The following BCAS4 variants were observed in gnomAD, a reference collection of about 807,000 sequenced individuals.
BCAS4 encodes breast carcinoma-amplified sequence 4.
BCAS4 carries 9 observed loss-of-function variants against 15.7 expected under a neutral mutation model. The ratio of observed to expected loss-of-function variants is 0.57; its 90% confidence interval spans 0.34 to 1.00. BCAS4 has a LOEUF of 1.00. Among genes scored for constraint, BCAS4 ranks in the 50% least tolerant of loss-of-function variants. The pLI, the probability that BCAS4 is intolerant of heterozygous loss-of-function variation, is 0.02. For synonymous variants in BCAS4, 101 were observed against 99.5 expected (o/e 1.02, Z -0.09); for missense variants, 225 against 239.1 (o/e 0.94, Z 0.39).
intron 4 of BCAS4, chr20:50,846,732 G>A (rs1265949059): frequency 1.4e-5 from 2 of 147,140 alleles, no homozygotes; most frequent in Non-Finnish European, 3.0e-5. Context: ...TCCTGCCTCA[G>A]CCTCCTGAGT....
chr20:50,801,640 C>G (rs1288962533), intron 1 of BCAS4, among the ~76,000 whole-genome samples: 1 of 152,182 alleles, frequency 6.6e-6, no homozygotes, highest in East Asian at 1.9e-4. Context: ...CGCACCTGGC[C>G]TCTTCCTTAA....
At chr20:50,809,080 T>C (rs1489575023) in intron 1 of BCAS4, among the ~76,000 whole-genome samples, 1 of 152,230 alleles carries the variant, frequency 6.6e-6, no homozygotes, top group Non-Finnish European at 1.5e-5. Context: ...CAGCATTTGT[T>C]GAATAGGGTG....
intron 3 of BCAS4, chr20:50,832,784 GTC>G (rs1248942154): frequency 1.3e-5 from 2 of 152,292 alleles, no homozygotes; most frequent in African/African-American, 2.4e-5. Flanking sequence ...ACATCTTCCT[GTC>G]TCTCTGTTGC....
intron 2 of BCAS4, among the ~76,000 whole-genome samples, chr20:50,828,023 C>T (rs1433077852): frequency 1.3e-5 from 2 of 151,954 alleles, no homozygotes; most frequent in African/African-American, 4.8e-5. Context: ...CCACTGTGCC[C>T]GGCCTTCAAA....
chr20:50,861,851 T>TC (rs1979094433), intron 4 of BCAS4, among the ~76,000 whole-genome samples: 1 of 138,874 alleles, frequency 7.2e-6, no homozygotes, highest in African/African-American at 2.7e-5. Flanking sequence ...TTCTCCTTTT[T>TC]TTTTTTTTTT....
intron 4 of BCAS4, among the ~76,000 whole-genome samples, chr20:50,855,151 G>C (rs1358692601): frequency 1.3e-5 from 2 of 152,160 alleles, no homozygotes; most frequent in African/African-American, 4.8e-5. Flanking sequence ...TGACCACTGG[G>C]GGAGGGGCCC....
At chr20:50,874,430 C>T (rs1005940119) in intron 4 of BCAS4, among the ~76,000 whole-genome samples, 5 of 152,196 alleles carry the variant, frequency 3.3e-5, no homozygotes, top group African/African-American at 1.2e-4. Context: ...TCCCCCAACC[C>T]TCTAGGATGA....
At chr20:50,879,007 G>A (rs971210820), downstream of BCAS4, 5 of 139,158 alleles carry the variant, frequency 3.6e-5, no homozygotes, top group African/African-American at 8.2e-5. Context: ...TCTTGTTTCT[G>A]TGCTCTGTAT....
At position 50,874,739 on chromosome 20, in the gene BCAS4, G is replaced by C. The variant is rs575082815; in HGVS notation, c.400-1747G>C. 2.5e-3 allele frequency among the ~76,000 whole-genome samples: 382 copies of C among 152,302 alleles called. 2 individuals carry two copies. Among genetic ancestry groups the C allele is most frequent in the African/African-American group, 8.6e-3 (356 of 41,560 alleles). ...TGGGGTCATGGTGTCAAGTGCAGGGGGAGGGGAGGGAAGGGGAGCAGGCAG... is the reference window on the plus strand; with the variant it reads ...TGGGGTCATGGTGTCAAGTGCAGGGCGAGGGGAGGGAAGGGGAGCAGGCAG... On this transcript the variant is annotated intron_variant, in intron 4 of 4. Transcript: ENST00000371608.
rs1409380570 is a variant in BCAS4 at position 50,871,175 on chromosome 20, G to A, written c.400-5311G>A. Among the ~76,000 whole-genome samples the A allele has an allele frequency of 3.3e-5, 5 of 152,330 alleles. No homozygotes were observed. In the East Asian group the frequency reaches 7.7e-4, roughly 23 times the overall value. On this transcript the variant is annotated intron_variant, in intron 4 of 4. Coordinates refer to ENST00000371608, the MANE Select transcript of BCAS4 (RefSeq NM_198799.4). ...CCATCCTCAAGGAGCCCTAGAGGGC[G>A]ATGGGCAAGGGCTGGTCTTGGAGCT... is the stretch of plus-strand genomic sequence containing the variant.
chr20:50,819,819 C>T (rs950114285), intron 2 of BCAS4, among the ~76,000 whole-genome samples: 2 of 149,290 alleles, frequency 1.3e-5, no homozygotes, highest in African/African-American at 5.1e-5. Context: ...TCTGTCTTTC[C>T]GTCTTTCCCT....
intron 4 of BCAS4, among the ~76,000 whole-genome samples, chr20:50,869,183 G>A (rs543822816): frequency 6.6e-6 from 1 of 152,350 alleles, no homozygotes; most frequent in South Asian, 2.1e-4. Flanking sequence ...CTGGTGTGTA[G>A]TAGGCATGGT....
In BCAS4 at chr20:50,851,265, C is replaced by T. The variant is rs1023559340; in HGVS notation, c.399+9365C>T. 6.6e-6 allele frequency among the ~76,000 whole-genome samples: 1 copy of T among 152,144 alleles called. No individual in the cohort carries two copies. Among genetic ancestry groups the T allele is most frequent in the African/African-American group, 2.4e-5 (1 of 41,420 alleles). On this transcript the variant is annotated intron_variant, in intron 4 of 4. Transcript: ENST00000371608. The surrounding 1 kb of genome is among the most constrained non-coding windows in gnomAD (Gnocchi z 4.3). ...CTCCTGCTGCCCCCATCAGCCCTTG[C>T]AGTAAAAATGCAGCAGGAGCAGATA...
chr20:50,832,438 C>A (rs2088355090), intron 3 of BCAS4, among the ~76,000 whole-genome samples: 1 of 151,768 alleles, frequency 6.6e-6, no homozygotes, highest in African/African-American at 2.4e-5. Context: ...TTGTATTTTT[C>A]GTAGAGACAG....
At chr20:50,865,084 C>T (rs1312814641) in intron 4 of BCAS4, among the ~76,000 whole-genome samples, 2 of 152,074 alleles carry the variant, frequency 1.3e-5, no homozygotes, top group African/African-American at 2.4e-5. Flanking sequence ...CAGAGCAAGA[C>T]TCTATCTCAA....
chr20:50,814,772 G>A (rs1477523409), intron 1 of BCAS4, among the ~76,000 whole-genome samples: 1 of 152,202 alleles, frequency 6.6e-6, no homozygotes, highest in Non-Finnish European at 1.5e-5. Flanking sequence ...AAGTAAATGA[G>A]GTAATTCAAA....
At position 50,826,972 on chromosome 20, in the gene BCAS4, CA is replaced by C. The variant is rs1017931160; in HGVS notation, c.163-3300del. On this transcript the variant is annotated intron_variant, in intron 2 of 4. Coordinates refer to ENST00000371608, the MANE Select transcript of BCAS4 (RefSeq NM_198799.4). ...GACAAAGCAAGACCCTATAAAAAAA[CA>C]AAAAAACAAAAAACAACCCACGACC... Among the ~76,000 whole-genome samples, 61 of 150,098 alleles carry C rather than the reference CA, an allele frequency of 4.1e-4. 1 individual carries two copies. The highest frequency in any genetic ancestry group is 1.4e-3 in the African/African-American group (58 of 40,982).
At chr20:50,796,481 ATATATATTTTTTTTTTTT>A (rs2087863990) in intron 1 of BCAS4, among the ~76,000 whole-genome samples, 1 of 11,560 alleles carries the variant, frequency 8.7e-5, no homozygotes, top group African/African-American at 3.6e-4. Flanking sequence ...ATATATATAT[ATATATATTTTTTTTTTTT>A]TTTTTTTTTT....
intron 4 of BCAS4, among the ~76,000 whole-genome samples, chr20:50,845,556 C>A (rs1313771080): frequency 6.6e-6 from 1 of 152,154 alleles, no homozygotes; most frequent in Admixed American, 6.5e-5. Flanking sequence ...CCCAGGCAGC[C>A]GGGGGCTCGG....
Sources: allele counts gnomAD v4.1 joint callset (sites outside exome capture counted in the v4.1 genomes callset), GRCh38; gene constraint gnomAD v4.1.1; non-coding constraint Gnocchi (gnomAD v3.1); transcripts MANE v1.5; gene names NCBI Gene and HGNC (gene_info 2026-07-23, HGNC 2026-07-21).